Variants in USP13 observed in about 807,000 individuals in gnomAD.
The protein encoded by USP13 is ubiquitin specific peptidase 13.
In USP13, 68 loss-of-function variants were observed where a neutral mutation model predicts 107.8. The observed-to-expected ratio is 0.63, with a 90% CI of 0.52 to 0.77. The LOEUF (loss-of-function observed/expected upper bound fraction) is 0.77. Among genes scored for constraint, USP13 ranks in the 30% least tolerant of loss-of-function variants. The pLI, the probability that USP13 is intolerant of heterozygous loss-of-function variation, is 0.00. For synonymous variants in USP13, 377 were observed against 389.5 expected (o/e 0.97, Z 0.38); for missense variants, 945 against 1,093.3 (o/e 0.86, Z 1.91).
In USP13 at chr3:179,690,244, G is replaced by A. The variant is rs750798738; in HGVS notation, c.298G>A (p.Val100Ile). 6.8e-6 allele frequency: 11 copies of A among 1,613,594 alleles called. No homozygotes were observed. Among genetic ancestry groups the A allele is most frequent in the Non-Finnish European group, 9.3e-6 (11 of 1,179,842 alleles). The change falls in exon 3 of 21, where the codon GTA becomes ATA. Residue 100 changes from valine to isoleucine, a missense_variant. Physicochemically the swap from Val to Ile is conservative, Grantham distance 29. Coordinates refer to ENST00000263966, the MANE Select transcript of USP13 (RefSeq NM_003940.3). Reference protein sequence around the residue: ...MHLKRHVREKVRGASGGALPK... With the variant: ...MHLKRHVREKIRGASGGALPK... ...TGATCTTTTGTTTTCTTTTCAGAAG[G>A]TAAGAGGGGCGTCTGGTGGAGCGTT...
chr3:179,708,640 G>A (rs1316266543), intron 5 of USP13, 133 bp from the exon 6 acceptor site: 2 of 1,132,450 alleles, frequency 1.8e-6, no homozygotes, highest in East Asian at 2.4e-5. Context: ...GGGAGAAAAT[G>A]GGGAAGCATC....
chr3:179,762,000 C>T (rs908902942), intron 17 of USP13, among the ~76,000 whole-genome samples: 1 of 152,168 alleles, frequency 6.6e-6, no homozygotes, highest in African/African-American at 2.4e-5. Flanking sequence ...CATAAATTCA[C>T]AGTTGTGTAA....
chr3:179,659,968 G>A (rs1720408766), intron 1 of USP13, among the ~76,000 whole-genome samples: 1 of 152,150 alleles, frequency 6.6e-6, no homozygotes, highest in African/African-American at 2.4e-5. Flanking sequence ...GCTTGAACCT[G>A]GGAGGCAGAG....
intron 14 of USP13, among the ~76,000 whole-genome samples, chr3:179,753,834 A>C (rs1327570083): frequency 6.6e-6 from 1 of 152,168 alleles, no homozygotes; most frequent in Non-Finnish European, 1.5e-5. Flanking sequence ...CATTATTATC[A>C]TCTGAATATG....
At chr3:179,732,481 C>T (rs1713841275) in intron 10 of USP13, among the ~76,000 whole-genome samples, 1 of 152,146 alleles carries the variant, frequency 6.6e-6, no homozygotes. Flanking sequence ...CCTTCTGGTT[C>T]TGCAAGGAGT....
At position 179,653,207 on chromosome 3, in the gene USP13, T is replaced by C. The variant is rs370443197; in HGVS notation, c.-19T>C. 3,369 of 1,478,976 alleles carry C rather than the reference T, an allele frequency of 2.3e-3. 70 individuals carry two copies. The African/African-American group carries it at 0.043, about 19-fold the overall frequency. The allele number at this position is 1,478,976 out of a possible 1,614,324, so 91.6% of individuals were successfully genotyped here. A position where few individuals can be genotyped will look rare whatever the true frequency, so the allele number is the denominator to read the frequency against. On this transcript the variant is annotated 5_prime_UTR_variant, in exon 1 of 21. Transcript: ENST00000263966. This position sits in a 1 kb window ranked among gnomAD's most constrained non-coding sequence, Gnocchi z 4.0. Reference sequence around the variant, plus strand: ...CCGGCTCCGGCTCGGCTCGCTCGGCTCCGGTGCGCGCCGAGGCCATGCAGC... The same window carrying C: ...CCGGCTCCGGCTCGGCTCGCTCGGCCCCGGTGCGCGCCGAGGCCATGCAGC...
intron 10 of USP13, among the ~76,000 whole-genome samples, chr3:179,737,792 C>T (rs986674215): frequency 2.6e-5 from 4 of 152,142 alleles, no homozygotes; most frequent in African/African-American, 4.8e-5. Flanking sequence ...GTTATCGATG[C>T]GTGTGTATGT....
chr3:179,655,804 T>G (rs1720241860), intron 1 of USP13, among the ~76,000 whole-genome samples: 1 of 152,084 alleles, frequency 6.6e-6, no homozygotes, highest in African/African-American at 2.4e-5. Context: ...CCACTCACCT[T>G]GGCCTCCCAA....
At chr3:179,707,406 C>A (rs984445867) in intron 5 of USP13, among the ~76,000 whole-genome samples, 1 of 152,146 alleles carries the variant, frequency 6.6e-6, no homozygotes, top group African/African-American at 2.4e-5. Context: ...CCTCCCTCCT[C>A]CTGGAGCAGC....
intron 14 of USP13, among the ~76,000 whole-genome samples, chr3:179,753,724 A>G (rs903346596): frequency 3.3e-5 from 5 of 152,126 alleles, no homozygotes; most frequent in African/African-American, 1.2e-4. Context: ...TTAAAGTAGG[A>G]TTTATGTACC....
At position 179,693,431 on chromosome 3, in the gene USP13, G is replaced by A. The variant is rs149050375; in HGVS notation, c.355+3130G>A. The stretch of plus-strand genomic sequence containing the variant: ...GTCTCCCAAAGTGCTGGGATTACAT[G>A]TGTGAGCTGCTGTGCCTGGCCAGGA... On this transcript the variant is annotated intron_variant, in intron 3 of 20. Transcript: ENST00000263966. 1.3e-3 allele frequency among the ~76,000 whole-genome samples: 201 copies of A among 152,228 alleles called. 1 individual carries two copies. The highest frequency in any genetic ancestry group is 4.7e-3 in the African/African-American group (194 of 41,532).
intron 18 of USP13, among the ~76,000 whole-genome samples, chr3:179,765,004 A>G (rs1715127756): frequency 6.6e-6 from 1 of 152,178 alleles, no homozygotes; most frequent in Non-Finnish European, 1.5e-5. Context: ...TGCTCCACTC[A>G]TTTTATTTGC....
intron 8 of USP13, among the ~76,000 whole-genome samples, chr3:179,726,854 T>C (rs1713537726): frequency 6.6e-6 from 1 of 152,108 alleles, no homozygotes; most frequent in South Asian, 2.1e-4. Context: ...ATTTTTAATT[T>C]TTTTTTGTAG....
chr3:179,687,151 A>G (rs1035026979), intron 2 of USP13, among the ~76,000 whole-genome samples: 1 of 152,208 alleles, frequency 6.6e-6, no homozygotes. Flanking sequence ...AGCATTTCAT[A>G]GGTACTTCAA....
intron 19 of USP13, among the ~76,000 whole-genome samples, chr3:179,769,688 T>C (rs1217836242): frequency 6.6e-6 from 1 of 152,158 alleles, no homozygotes; most frequent in East Asian, 1.9e-4. Context: ...GGATTACAGG[T>C]GTGAGCCACT....
intron 5 of USP13, among the ~76,000 whole-genome samples, chr3:179,708,023 A>G (rs897050538): frequency 7.2e-5 from 11 of 152,200 alleles, no homozygotes; most frequent in Non-Finnish European, 5.9e-5. Flanking sequence ...ATTAATTTAG[A>G]TTTGCAGTGT....
At chr3:179,754,486 G>T (rs1388942606) in intron 14 of USP13, among the ~76,000 whole-genome samples, 1 of 152,170 alleles carries the variant, frequency 6.6e-6, no homozygotes, top group East Asian at 1.9e-4. Context: ...CTGCCAATTT[G>T]TAACCTCAGG....
At chr3:179,694,799 CAAAA>C (rs576517737) in intron 3 of USP13, among the ~76,000 whole-genome samples, 2,196 of 81,960 alleles carry the variant, frequency 0.027, 28 homozygotes, top group African/African-American at 0.096. Context: ...AACTCCATCT[CAAAA>C]AAAAAAAAAA....
chr3:179,664,147 G>C (rs533819292), intron 1 of USP13, among the ~76,000 whole-genome samples: 1 of 150,856 alleles, frequency 6.6e-6, no homozygotes, highest in East Asian at 1.9e-4. Context: ...TTTTTTTGGA[G>C]TCTTGGTCTG....
Sources: gnomAD v4.1 joint callset for allele counts (sites outside exome capture counted in the v4.1 genomes callset) on GRCh38, gnomAD v4.1.1 for gene constraint, Gnocchi (gnomAD v3.1) non-coding constraint, MANE v1.5 for transcripts, NCBI Gene and HGNC (gene_info 2026-07-23, HGNC 2026-07-21) for gene names.